The following UGT2A3 variants were observed in gnomAD, a reference collection of about 807,000 sequenced individuals.
The protein encoded by UGT2A3 is UDP-glucuronosyltransferase 2A3.
UGT2A3 carries 55 observed loss-of-function variants against 44.1 expected under a neutral mutation model. The ratio of observed to expected loss-of-function variants is 1.25; its 90% CI spans 1.00 to 1.56. UGT2A3 has a LOEUF of 1.56. UGT2A3 is among the 40% of genes most tolerant of loss of function. UGT2A3 has a pLI of 0.00. For missense variants in UGT2A3, 733 were observed against 621.6 expected (o/e 1.18, Z -1.91); for synonymous variants, 243 against 215.1 (o/e 1.13, Z -1.13).
rs745317989 is a variant in UGT2A3, at chr4:68,931,184, T to C, written c.1055A>G (p.Tyr352Cys). 4 of 1,612,964 alleles carry C rather than the reference T, an allele frequency of 2.5e-6. No homozygotes were observed. Among genetic ancestry groups the C allele is most frequent in the Admixed American group, 3.3e-5 (2 of 59,868 alleles). Residue 352 changes from tyrosine (Y) to cysteine (C), a missense_variant, in exon 4 of 6, where the codon TAT becomes TGT. Coordinates refer to ENST00000251566, the MANE Select transcript of UGT2A3 (RefSeq NM_024743.4). ...AAGATCATTCTGGGGTATCCAATCATACAGCCGAGTATTGGCTCCTAATGT... is the reference window on the plus strand; with the variant it reads ...AAGATCATTCTGGGGTATCCAATCACACAGCCGAGTATTGGCTCCTAATGT... ...PSTLGANTRLYDWIPQNDLLG... is the reference protein window; with the variant it reads ...PSTLGANTRLCDWIPQNDLLG...
At chr4:68,949,913 G>T (rs982409825) in intron 1 of UGT2A3, among the ~76,000 whole-genome samples, 1 of 151,802 alleles carries the variant, frequency 6.6e-6, no homozygotes, top group African/African-American at 2.4e-5. Context: ...GATTTTTAAA[G>T]AATTGTTGGG....
At chr4:68,934,514 G>T (rs1230864751) in intron 2 of UGT2A3, among the ~76,000 whole-genome samples, 1 of 151,776 alleles carries the variant, frequency 6.6e-6, no homozygotes, top group Non-Finnish European at 1.5e-5. Flanking sequence ...CTTTAGCAAG[G>T]TAACTGAAAA....
In UGT2A3 at chr4:68,951,643, T is replaced by C; in HGVS notation, c.118A>G (p.Lys40Glu). ...PCDMSHWLNV[K>E]VILEELIVRG... ...ACTATGAGCTCTTCTAGAATGACCTTGACATTAAGCCAATGGCTCATGTCA... is the reference window on the plus strand; with the variant it reads ...ACTATGAGCTCTTCTAGAATGACCTCGACATTAAGCCAATGGCTCATGTCA... The change falls in exon 1 of 6, where the codon AAG becomes GAG. Residue 40 changes from lysine to glutamate, a missense_variant. Coordinates refer to ENST00000251566, the MANE Select transcript of UGT2A3 (RefSeq NM_024743.4). 6.2e-7 allele frequency: 1 copy of C among 1,612,654 alleles called. No individual in the cohort carries two copies. The highest frequency in any genetic ancestry group is 8.5e-7 in the Non-Finnish European group (1 of 1,179,410).
At position 68,929,429 on chromosome 4, in the gene UGT2A3, A is replaced by G. The variant is rs1717634891; in HGVS notation, c.*384T>C. On this transcript the variant is annotated 3_prime_UTR_variant, in exon 6 of 6. Transcript: ENST00000251566. ...AACACTTACCTGATTTGTGTGGTTT[A>G]CTGAATTTTGTGAATTTTAAGTTTT... is the stretch of plus-strand genomic sequence containing the variant. 6.3e-6 allele frequency: 1 copy of G among 158,564 alleles called. No homozygotes were observed. Among genetic ancestry groups the G allele is most frequent in the African/African-American group, 2.4e-5 (1 of 41,718 alleles). 9.8% of individuals were successfully genotyped at this position (158,564 alleles called of 1,614,324 possible).
At chr4:68,935,494 A>T (rs1717915920) in intron 2 of UGT2A3, among the ~76,000 whole-genome samples, 3 of 151,594 alleles carry the variant, frequency 2.0e-5, no homozygotes, top group Admixed American at 2.0e-4. Context: ...AAAACTAACA[A>T]ACAGAAAGAA....
chr4:68,944,038 T>A (rs1035495280), intron 2 of UGT2A3, among the ~76,000 whole-genome samples: 1 of 151,878 alleles, frequency 6.6e-6, no homozygotes. Context: ...TTCTTCTTCC[T>A]AGTGGCCTTA....
At position 68,930,028 on chromosome 4, in the gene UGT2A3, G is replaced by A. The variant is rs267600216; in HGVS notation, c.1369C>T (p.Arg457Ter). The change falls in exon 6 of 6, where the codon CGA becomes TGA. Residue 457 changes from arginine (R) to a stop codon, truncating the protein, a stop_gained. Coordinates refer to ENST00000251566, the MANE Select transcript of UGT2A3 (RefSeq NM_024743.4). LOFTEE classifies it low-confidence loss of function (END_TRUNC). ...ACAAACTCGATCCAGAAGACTGCTC[G>A]ATCTAGGGGCTTTACAGGTTGATCA... ...HHDQPVKPLD[R>*]AVFWIEFVMR... 15 of 1,613,486 alleles carry A rather than the reference G, an allele frequency of 9.3e-6. No individual in the cohort carries two copies. Among genetic ancestry groups the A allele is most frequent in the African/African-American group, 1.3e-5 (1 of 75,014 alleles).
Position 68,930,551 on chromosome 4 carries a change from A to C in UGT2A3, c.1299T>G (p.Asp433Glu). Residue 433 changes from aspartate to glutamate, a missense_variant, in exon 5 of 6, where the codon GAT becomes GAG. Transcript: ENST00000251566. Reference protein sequence around the residue: ...LLRALRTVITDSSYKENAMRL... With the variant: ...LLRALRTVITESSYKENAMRL... Reference sequence around the variant, plus strand: ...GTACAAGCAGTAGTACTTACGAGGAATCGGTAATGACTGTTCTCAAAGCCC... The same window carrying C: ...GTACAAGCAGTAGTACTTACGAGGACTCGGTAATGACTGTTCTCAAAGCCC... 6.2e-7 allele frequency: 1 copy of C among 1,607,362 alleles called. No individual in the cohort carries two copies. Among genetic ancestry groups the C allele is most frequent in the Non-Finnish European group, 8.5e-7 (1 of 1,176,606 alleles).
chr4:68,936,870 T>C (rs1352639065), intron 2 of UGT2A3, among the ~76,000 whole-genome samples: 1 of 86,730 alleles, frequency 1.2e-5, no homozygotes, highest in East Asian at 3.6e-4. Context: ...AAGGAAGATC[T>C]ACAAAGTAAA....
intron 2 of UGT2A3, among the ~76,000 whole-genome samples, chr4:68,942,377 T>C (rs13148179): frequency 0.73 from 108,464 of 148,018 alleles, 41,327 homozygotes; most frequent in Non-Finnish European, 0.86. Context: ...ATGTATATTG[T>C]GTGTGTTTAT....
rs1717600767 is a variant in UGT2A3 at position 68,928,566 on chromosome 4, T to C, written c.*1247A>G. 1 of 152,022 alleles carries C rather than the reference T, an allele frequency of 6.6e-6. No individual in the cohort carries two copies. The highest frequency in any genetic ancestry group is 6.6e-5 in the Admixed American group (1 of 15,236). 9.4% of individuals were successfully genotyped at this position (152,022 alleles called of 1,614,324 possible). The stretch of plus-strand genomic sequence containing the variant: ...TCATTTTAAAATTGAAATTAATTTG[T>C]AGATATACCTAATCAACATCTGTAA... On this transcript the variant is annotated 3_prime_UTR_variant, in exon 6 of 6. Coordinates refer to ENST00000251566, the MANE Select transcript of UGT2A3 (RefSeq NM_024743.4).
intron 1 of UGT2A3, among the ~76,000 whole-genome samples, chr4:68,948,000 T>A (rs1002173222): frequency 1.3e-5 from 2 of 151,866 alleles, no homozygotes; most frequent in African/African-American, 4.8e-5. Context: ...TAAATGGGCA[T>A]TGGCTTTACC....
In UGT2A3 at chr4:68,931,175, A is replaced by G. The variant is rs780768613; in HGVS notation, c.1064T>C (p.Ile355Thr). ...CCTACCAAGAAGATCATTCTGGGGT[A>G]TCCAATCATACAGCCGAGTATTGGC... is the stretch of plus-strand genomic sequence containing the variant. ...LGANTRLYDW[I>T]PQNDLLGHPK... Residue 355 changes from isoleucine to threonine, a missense_variant, in exon 4 of 6, where the codon ATA becomes ACA. By Grantham distance (89) the Ile-to-Thr change is moderately conservative. Coordinates refer to ENST00000251566, the MANE Select transcript of UGT2A3 (RefSeq NM_024743.4). 6.2e-7 allele frequency: 1 copy of G among 1,612,964 alleles called. No individual in the cohort carries two copies. Among genetic ancestry groups the G allele is most frequent in the South Asian group, 1.1e-5 (1 of 91,038 alleles).
chr4:68,951,676 A>G lies in UGT2A3; in HGVS notation c.85T>C (p.Trp29Arg). 6.2e-7 allele frequency: 1 copy of G among 1,611,984 alleles called. No homozygotes were observed. Among genetic ancestry groups the G allele is most frequent in the South Asian group, 1.1e-5 (1 of 91,022 alleles). Residue 29 changes from tryptophan to arginine, a missense_variant, in exon 1 of 6, where the codon TGG (tryptophan) becomes CGG (arginine). Transcript: ENST00000251566. ...GCGFCGKVLV[W>R]PCDMSHWLNV... ...AGCCAATGGCTCATGTCACAGGGCCACACCAGGACTTTCCCACAGAATCCA... is the reference window on the plus strand; with the variant it reads ...AGCCAATGGCTCATGTCACAGGGCCGCACCAGGACTTTCCCACAGAATCCA...
chr4:68,950,215 A>G (rs1718530076), intron 1 of UGT2A3, among the ~76,000 whole-genome samples: 1 of 151,924 alleles, frequency 6.6e-6, no homozygotes, highest in South Asian at 2.1e-4. Context: ...TTTAAAGCAA[A>G]TCAATACATG....
intron 2 of UGT2A3, among the ~76,000 whole-genome samples, chr4:68,937,531 G>T (rs1196907162): frequency 6.6e-6 from 1 of 151,816 alleles, no homozygotes; most frequent in Non-Finnish European, 1.5e-5. Context: ...AAGATACGAA[G>T]TACTAGAATC....
intron 2 of UGT2A3, among the ~76,000 whole-genome samples, chr4:68,938,035 C>A (rs1718022053): frequency 1.3e-5 from 2 of 151,932 alleles, no homozygotes; most frequent in African/African-American, 2.4e-5. Flanking sequence ...CTGAATGGAA[C>A]AATAACAGCC....
intron 2 of UGT2A3, among the ~76,000 whole-genome samples, chr4:68,933,261 G>A (rs1321658211): frequency 6.6e-6 from 1 of 151,978 alleles, no homozygotes; most frequent in Non-Finnish European, 1.5e-5. Context: ...AAAAATCCAT[G>A]ACCAGAAAGA....
rs1717644866 is a variant in UGT2A3 at position 68,929,667 on chromosome 4, A to C, written c.*146T>G. On this transcript the variant is annotated 3_prime_UTR_variant, in exon 6 of 6. Coordinates refer to ENST00000251566, the MANE Select transcript of UGT2A3 (RefSeq NM_024743.4). ...CAACGAAAGAATGAGATATACTCAC[A>C]ACCTCATGATCGTGGAATTCTAGGC... The C allele has an allele frequency of 2.7e-6, 2 of 731,436 alleles. No individual in the cohort carries two copies. Among genetic ancestry groups the C allele is most frequent in the Admixed American group, 5.4e-5 (2 of 36,698 alleles). The allele number at this position is 731,436 out of a possible 1,614,324, so 45.3% of individuals were successfully genotyped here.
Sources: gnomAD v4.1 joint callset for allele counts (sites outside exome capture counted in the v4.1 genomes callset) on GRCh38, gnomAD v4.1.1 for gene constraint, MANE v1.5 for transcripts, NCBI Gene and HGNC (gene_info 2026-07-23, HGNC 2026-07-21) for gene names.